The following DNAJC2 variants were observed in gnomAD, a reference collection of about 807,000 sequenced individuals.
The protein encoded by DNAJC2 is DnaJ heat shock protein family (Hsp40) member C2, also known as dnaJ homolog subfamily C member 2.
Under a neutral mutation model 94.0 loss-of-function variants are expected in DNAJC2, and 32 were observed. The observed-to-expected ratio is 0.34, with a 90% confidence interval of 0.26 to 0.46. DNAJC2 has a LOEUF of 0.46. DNAJC2 is among the 20% of genes least tolerant of loss of function. The pLI is 1.00. For synonymous variants in DNAJC2, 210 were observed against 229.7 expected (o/e 0.91, Z 0.77); for missense variants, 550 against 719.5 (o/e 0.76, Z 2.69).
At chr7:103,337,379 C>A (rs1323993822) in intron 3 of DNAJC2, 7 of 164,348 alleles carry the variant, frequency 4.3e-5, no homozygotes, top group Admixed American at 3.2e-4. Flanking sequence ...AAAAAAAAAA[C>A]CAAAAACCAA....
In DNAJC2 at chr7:103,322,654, C is replaced by T. The variant is rs566727128; in HGVS notation, c.812-22G>A. The T allele has an allele frequency of 5.0e-6, 8 of 1,612,994 alleles. No individual in the cohort carries two copies. The East Asian group carries it at 1.6e-4, about 32-fold the overall frequency. On this transcript the variant is annotated intron_variant, in intron 8 of 16. Coordinates refer to ENST00000379263, the MANE Select transcript of DNAJC2 (RefSeq NM_014377.3). ...TTGTCTAGCAAAAGAAAAAGTTAATCTCATTTTGAATTTCTAACATTTAGG... is the reference window on the plus strand; with the variant it reads ...TTGTCTAGCAAAAGAAAAAGTTAATTTCATTTTGAATTTCTAACATTTAGG...
Position 103,344,702 on chromosome 7 carries a change from C to G in DNAJC2, c.-80G>C. On this transcript the variant is annotated 5_prime_UTR_variant, in exon 1 of 17. Coordinates refer to ENST00000379263, the MANE Select transcript of DNAJC2 (RefSeq NM_014377.3). ...CGCTTAGGGTCCCCTCCAGCTCTAC[C>G]TCTCACTCCGAGCCTCGCGCCTTGG... is the stretch of plus-strand genomic sequence containing the variant. 6.9e-7 allele frequency: 1 copy of G among 1,458,456 alleles called. No individual in the cohort carries two copies. 90.3% of individuals were successfully genotyped at this position (1,458,456 alleles called of 1,614,324 possible).
intron 1 of DNAJC2, among the ~76,000 whole-genome samples, chr7:103,343,571 G>A (rs1819474420): frequency 6.6e-6 from 1 of 152,146 alleles, no homozygotes; most frequent in Admixed American, 6.5e-5. Flanking sequence ...TCAGTTCCTA[G>A]GAAGCTTGAA....
At chr7:103,338,462 A>G (rs1819258789) in intron 2 of DNAJC2, among the ~76,000 whole-genome samples, 1 of 151,130 alleles carries the variant, frequency 6.6e-6, no homozygotes, top group Non-Finnish European at 1.5e-5. Flanking sequence ...ACGCCTGGCT[A>G]ATTTGTGTAT....
In DNAJC2 at chr7:103,327,713, C is replaced by A. The variant is rs759338987; in HGVS notation, c.373G>T (p.Ala125Ser). ...VLKHHPDKRK[A>S]AGEPIKEGDN... ...CCTTCTTTTATTGGTTCACCAGCTG[C>A]TTTCCGTTTGTCTGGGTGATGTTTT... Residue 125 changes from alanine (A) to serine (S), a missense_variant, in exon 4 of 17, where the codon GCA (alanine) becomes TCA (serine). By Grantham distance (99) the Ala-to-Ser change is moderately conservative. Around this residue, in one of 2 missense-constraint regions of DNAJC2, gnomAD observed 279 missense variants for 416.9 expected, o/e 0.67. Transcript: ENST00000379263. The A allele has an allele frequency of 6.2e-7, 1 of 1,613,650 alleles. No individual in the cohort carries two copies. The highest frequency in any genetic ancestry group is 1.7e-5 in the Admixed American group (1 of 59,960).
chr7:103,329,046 C>G, intron 3 of DNAJC2: 1 of 1,198,474 alleles, frequency 8.3e-7, no homozygotes, highest in South Asian at 1.4e-5. Context: ...AGCCACAGTA[C>G]GTCTAATTAT....
intron 15 of DNAJC2, chr7:103,314,751 A>C: frequency 4.6e-6 from 3 of 652,010 alleles, no homozygotes; most frequent in Non-Finnish European, 3.8e-6. Flanking sequence ...TGTAAGTCTC[A>C]TATCTTTAAG....
intron 15 of DNAJC2, chr7:103,314,707 T>G (rs1294700349): frequency 1.1e-6 from 1 of 950,806 alleles, no homozygotes; most frequent in Non-Finnish European, 1.3e-6. Flanking sequence ...TCACTGCTGA[T>G]TTTTGCAATG....
In DNAJC2 at chr7:103,319,596, G is replaced by C; in HGVS notation, c.1242+13C>G. 2 of 1,613,180 alleles carry C rather than the reference G, an allele frequency of 1.2e-6. No homozygotes were observed. Among genetic ancestry groups the C allele is most frequent in the Non-Finnish European group, 1.7e-6 (2 of 1,179,170 alleles). ...TGCTACATATAGGTAGGAGTGATGTGTTCCTCTATTACCTGTTTTTCCAAA... is the reference window on the plus strand; with the variant it reads ...TGCTACATATAGGTAGGAGTGATGTCTTCCTCTATTACCTGTTTTTCCAAA... On this transcript the variant is annotated intron_variant, in intron 12 of 16. Transcript: ENST00000379263.
intron 3 of DNAJC2, chr7:103,336,755 T>C (rs1347813923): frequency 6.6e-6 from 1 of 152,232 alleles, no homozygotes; most frequent in African/African-American, 2.4e-5. Flanking sequence ...TACCATATGC[T>C]TTGTCTAGAC....
rs761281350 is a variant in DNAJC2 at position 103,316,015 on chromosome 7, C to T, written c.1501G>A (p.Gly501Ser). Residue 501 changes from glycine (G) to serine (S), a missense_variant, in exon 14 of 17, where the codon GGC becomes AGC. By Grantham distance (56) the Gly-to-Ser change is moderately conservative. Coordinates refer to ENST00000379263, the MANE Select transcript of DNAJC2 (RefSeq NM_014377.3). ...AGTTTTTGGAGACTCTTTGCTTTGC[C>T]AATAACATCTTTGGCAGTTCTTTTG... is the stretch of plus-strand genomic sequence containing the variant. ...GVKRTAKDVIGKAKSLQKLDP... is the reference protein window; with the variant it reads ...GVKRTAKDVISKAKSLQKLDP... The T allele has an allele frequency of 6.2e-7, 1 of 1,600,628 alleles. No homozygotes were observed. The highest frequency in any genetic ancestry group is 8.5e-7 in the Non-Finnish European group (1 of 1,173,864).
Position 103,312,525 on chromosome 7 carries a change from G to A in DNAJC2, c.*44C>T. The A allele has an allele frequency of 6.3e-7, 1 of 1,591,578 alleles. No homozygotes were observed. Among genetic ancestry groups the A allele is most frequent in the Non-Finnish European group, 8.5e-7 (1 of 1,172,526 alleles). On this transcript the variant is annotated 3_prime_UTR_variant, in exon 17 of 17. Coordinates refer to ENST00000379263, the MANE Select transcript of DNAJC2 (RefSeq NM_014377.3). ...AATTTTAAGAATGAAAATGTTTACA[G>A]TATTTTCAGTTTTATTATAAAAATG...
intron 13 of DNAJC2, 160 bp downstream of exon 13, chr7:103,316,670 T>G: frequency 1.6e-6 from 1 of 626,448 alleles, no homozygotes. Context: ...TGGGTAAGAC[T>G]GACAGCTTCA....
Position 103,313,079 on chromosome 7 carries a change from A to G in DNAJC2, c.1659T>C (p.Pro553=), listed in dbSNP as rs759297684. 3 of 1,613,734 alleles carry G rather than the reference A, an allele frequency of 1.9e-6. No individual in the cohort carries two copies. Among genetic ancestry groups the G allele is most frequent in the South Asian group, 1.1e-5 (1 of 91,046 alleles). ...AAAGCTTCTGTTCTTCTGTTGTCCA[A>G]GGGGTGAAGTCTGTATATGGACCTG... The part of the protein sequence containing the change: ...RFEGPYTDFT[P]WTTEEQKLLE... The change falls in exon 16 of 17, where the codon CCT becomes CCC. Residue 553 remains proline (P), a synonymous_variant. Coordinates refer to ENST00000379263, the MANE Select transcript of DNAJC2 (RefSeq NM_014377.3).
chr7:103,332,744 C>T (rs1819024820), intron 3 of DNAJC2, among the ~76,000 whole-genome samples: 1 of 152,014 alleles, frequency 6.6e-6, no homozygotes, highest in South Asian at 2.1e-4. Context: ...CTATCTCAGC[C>T]TTCTGAGCAG....
In DNAJC2 at chr7:103,319,706, CTT is replaced by C. The variant is rs778369168; in HGVS notation, c.1173-30_1173-29del. ...AAAGAAAAAAAAAGAAGAAATGAAA[CTT>C]TATCCTAAGCTCAAGTGAAGACTTC... On this transcript the variant is annotated intron_variant, in intron 11 of 16. Transcript: ENST00000379263. The C allele has an allele frequency of 7.4e-6, 12 of 1,613,920 alleles. No individual in the cohort carries two copies. In the South Asian group the frequency reaches 1.2e-4, roughly 16 times the overall value.
At chr7:103,337,630 A>T in intron 3 of DNAJC2, 106 bp downstream of exon 3, 1 of 886,160 alleles carries the variant, frequency 1.1e-6, no homozygotes, top group Non-Finnish European at 1.8e-6. Context: ...CATGCTGTTA[A>T]ATGTAGTTAT....
chr7:103,320,033 C>G (rs1214023439), intron 10 of DNAJC2, among the ~76,000 whole-genome samples, 189 bp from the exon 11 acceptor site: 1 of 152,190 alleles, frequency 6.6e-6, no homozygotes, highest in African/African-American at 2.4e-5. Context: ...GACTCCATCT[C>G]AAAAAAACAG....
At chr7:103,330,772 G>A (rs1173798262) in intron 3 of DNAJC2, among the ~76,000 whole-genome samples, 1 of 151,318 alleles carries the variant, frequency 6.6e-6, no homozygotes, top group Non-Finnish European at 1.5e-5. Context: ...TGTAGGGGAG[G>A]GGTTTCGTCA....
Sources: gnomAD v4.1 joint callset for allele counts (sites outside exome capture counted in the v4.1 genomes callset) on GRCh38, gnomAD v4.1.1 for gene constraint, gnomAD v4.1.1 regional missense constraint, MANE v1.5 for transcripts, NCBI Gene and HGNC (gene_info 2026-07-23, HGNC 2026-07-21) for gene names.